Variants in WDR41 observed in about 807,000 individuals in gnomAD.
WDR41 encodes the protein WD repeat domain 41, also known as WD repeat-containing protein 41.
In WDR41, 63 loss-of-function variants were observed where a neutral mutation model predicts 69.3. The observed-to-expected ratio is 0.91, with a 90% CI of 0.74 to 1.12. WDR41 has a LOEUF of 1.12. WDR41 is among the 50% of genes most tolerant of loss of function. The probability of loss-of-function intolerance (pLI) is 0.00; values close to 1 mark genes in which losing one functional copy is unlikely to be tolerated. For synonymous variants in WDR41, 185 were observed against 192.1 expected (o/e 0.96, Z 0.31); for missense variants, 543 against 534.5 (o/e 1.02, Z -0.16).
At chr5:77,498,483 T>C (rs2112148222) in intron 1 of WDR41, among the ~76,000 whole-genome samples, 1 of 152,246 alleles carries the variant, frequency 6.6e-6, no homozygotes, top group East Asian at 1.9e-4. Flanking sequence ...GGATTAATCA[T>C]AGGCATAAAT....
At chr5:77,553,150 T>C (rs1338201862) in intron 1 of WDR41, among the ~76,000 whole-genome samples, 2 of 152,234 alleles carry the variant, frequency 1.3e-5, no homozygotes, top group Non-Finnish European at 2.9e-5. Flanking sequence ...GCCTTAGTCC[T>C]TTTTTGCTGC....
intron 1 of WDR41, among the ~76,000 whole-genome samples, chr5:77,562,751 A>G (rs1243083535): frequency 6.6e-6 from 1 of 152,190 alleles, no homozygotes; most frequent in African/African-American, 2.4e-5. Context: ...ATACAGGTAA[A>G]TTTTGCCTTT....
chr5:77,584,823 C>T (rs1744008884), intron 1 of WDR41, among the ~76,000 whole-genome samples: 1 of 152,110 alleles, frequency 6.6e-6, no homozygotes, highest in Non-Finnish European at 1.5e-5. Flanking sequence ...AAAATCAACC[C>T]AAGATGGATC....
At chr5:77,547,606 C>T (rs1743222619) in intron 1 of WDR41, among the ~76,000 whole-genome samples, 1 of 149,636 alleles carries the variant, frequency 6.7e-6, no homozygotes. Flanking sequence ...AGGAAAATTA[C>T]AAAACACTGC....
intron 1 of WDR41, among the ~76,000 whole-genome samples, chr5:77,571,105 G>A (rs1193139956): frequency 2.0e-5 from 3 of 152,212 alleles, no homozygotes; most frequent in East Asian, 3.9e-4. Flanking sequence ...TGAAGTCAGT[G>A]TCAATGAATG....
intron 1 of WDR41, among the ~76,000 whole-genome samples, chr5:77,604,375 C>G (rs1449254898): frequency 6.6e-6 from 1 of 152,066 alleles, no homozygotes; most frequent in Non-Finnish European, 1.5e-5. Context: ...TCTTTCTCAG[C>G]TAGTTCTGGT....
At chr5:77,513,347 C>T (rs149123661) in intron 1 of WDR41, among the ~76,000 whole-genome samples, 1 of 152,154 alleles carries the variant, frequency 6.6e-6, no homozygotes, top group Non-Finnish European at 1.5e-5. Flanking sequence ...TAGTGGTCAG[C>T]ATTCACTAGA....
At chr5:77,524,882 T>C (rs75851030) in intron 1 of WDR41, among the ~76,000 whole-genome samples, 37 of 152,370 alleles carry the variant, frequency 2.4e-4, no homozygotes, top group African/African-American at 8.9e-4. Flanking sequence ...TTTGTGTTCA[T>C]TGAACATTTT....
chr5:77,457,593 G>A, intron 5 of WDR41, among the ~76,000 whole-genome samples: 1 of 152,008 alleles, frequency 6.6e-6, no homozygotes, highest in East Asian at 1.9e-4. Context: ...CATTCATAAT[G>A]CCAAACTACC....
chr5:77,445,731 A>T (rs1256843594), intron 8 of WDR41, among the ~76,000 whole-genome samples: 1 of 152,238 alleles, frequency 6.6e-6, no homozygotes, highest in African/African-American at 2.4e-5. Flanking sequence ...ACATCCTTTC[A>T]TATTAAAAAT....
rs78028906 is a variant in WDR41 at position 77,507,494 on chromosome 5, A to T, written c.43-17922T>A. 6.7e-3 allele frequency among the ~76,000 whole-genome samples: 1,019 copies of T among 152,274 alleles called. 6 individuals are homozygous for T. The highest frequency in any genetic ancestry group is 0.023 in the African/African-American group (964 of 41,528). On this transcript the variant is annotated intron_variant, in intron 1 of 5. Coordinates refer to the WDR41 transcript ENST00000509971. ...CTTTGATTTCTTATGTTAGATGAGC[A>T]CTAGCACTAAAGCCTTCCCCACCAA...
intron 2 of WDR41, among the ~76,000 whole-genome samples, chr5:77,482,397 C>T (rs371651559): frequency 3.7e-4 from 57 of 152,174 alleles, no homozygotes; most frequent in African/African-American, 1.1e-3. Context: ...CTATAGTACA[C>T]TTGGTTGATT....
chr5:77,464,721 C>G (rs751199984), intron 3 of WDR41, 40 bp downstream of exon 3: 5 of 1,597,468 alleles, frequency 3.1e-6, no homozygotes, highest in Non-Finnish European at 4.3e-6. Flanking sequence ...ACTACATCAT[C>G]ATATCTTTAT....
intron 1 of WDR41, among the ~76,000 whole-genome samples, chr5:77,551,515 TAA>T (rs78550741): frequency 0.17 from 25,699 of 151,528 alleles, 3,618 homozygotes; most frequent in African/African-American, 0.37. Flanking sequence ...CTGTCGCTAC[TAA>T]AAACACAAGA....
At chr5:77,571,869 T>A (rs1015734066) in intron 1 of WDR41, among the ~76,000 whole-genome samples, 4 of 152,154 alleles carry the variant, frequency 2.6e-5, no homozygotes, top group Non-Finnish European at 4.4e-5. Flanking sequence ...TGTGTTTAAA[T>A]CCCAATTCTC....
chr5:77,602,030 A>T (rs1442365357), intron 1 of WDR41, among the ~76,000 whole-genome samples: 1 of 152,014 alleles, frequency 6.6e-6, no homozygotes, highest in Non-Finnish European at 1.5e-5. Flanking sequence ...GAGTCACCCT[A>T]CTCTGTTATC....
chr5:77,445,467 C>CA (rs1157492556), intron 8 of WDR41, among the ~76,000 whole-genome samples: 1 of 151,588 alleles, frequency 6.6e-6, no homozygotes. Flanking sequence ...AGAGACACAA[C>CA]AAAAAAAAGA....
chr5:77,614,107 C>T (rs1384827866), intron 1 of WDR41, among the ~76,000 whole-genome samples: 1 of 151,894 alleles, frequency 6.6e-6, no homozygotes, highest in South Asian at 2.1e-4. Context: ...TACCATCTCA[C>T]ACCAGTTAGA....
intron 1 of WDR41, among the ~76,000 whole-genome samples, chr5:77,591,969 T>C (rs9885278): frequency 0.18 from 26,954 of 152,136 alleles, 2,792 homozygotes; most frequent in Admixed American, 0.24. Flanking sequence ...CTGTGAAGTA[T>C]ACTAATCTAC....
Sources: allele counts gnomAD v4.1 joint callset (sites outside exome capture counted in the v4.1 genomes callset), GRCh38; gene constraint gnomAD v4.1.1; transcripts MANE v1.5; gene names NCBI Gene and HGNC (gene_info 2026-07-23, HGNC 2026-07-21).